The following XYLB variants were observed in gnomAD, a reference collection of about 807,000 sequenced individuals.
XYLB encodes xylulose kinase.
A neutral mutation model predicts 78.7 loss-of-function variants in XYLB; 62 were observed. That is an observed-to-expected ratio of 0.79 (90% CI 0.64 to 0.97). XYLB has a LOEUF of 0.97. XYLB is among the 50% of genes least tolerant of loss of function. The pLI is 0.00. For synonymous variants in XYLB, 245 were observed against 247.4 expected (o/e 0.99, Z 0.09); for missense variants, 687 against 676.8 (o/e 1.02, Z -0.17).
At chr3:38,423,229 C>T (rs192600638), downstream of XYLB, among the ~76,000 whole-genome samples, 63 of 152,204 alleles carry the variant, frequency 4.1e-4, no homozygotes, top group Middle Eastern at 0.014. Context: ...CCCACCACCA[C>T]GCCCGGCTAA....
At chr3:38,358,306 G>C (rs1341564039) in intron 2 of XYLB, among the ~76,000 whole-genome samples, 1 of 96,750 alleles carries the variant, frequency 1.0e-5, no homozygotes, top group Non-Finnish European at 2.1e-5. Flanking sequence ...TGCCAGTTTT[G>C]TTTTGTGTGT....
chr3:38,381,582 C>T lies in XYLB; in HGVS notation c.1291+2240C>T, dbSNP rs1707147316. On this transcript the variant is annotated intron_variant, in intron 15 of 18. Transcript: ENST00000207870. The stretch of plus-strand genomic sequence containing the variant: ...AAAAATATCGCTGAATTCTTTTTCT[C>T]AGCATGGAACATCCCTGAAAAAGAG... Among the ~76,000 whole-genome samples, 3 of 152,214 alleles carry T rather than the reference C, an allele frequency of 2.0e-5. No individual in the cohort carries two copies. The South Asian group carries it at 6.2e-4, about 31-fold the overall frequency.
chr3:38,361,747 C>A (rs1051131193), intron 3 of XYLB, among the ~76,000 whole-genome samples: 3 of 152,200 alleles, frequency 2.0e-5, no homozygotes, highest in African/African-American at 7.2e-5. Context: ...CCTAGCTCTG[C>A]CAGCCCCTGC....
chr3:38,396,477 G>A (rs2169552), intron 16 of XYLB, among the ~76,000 whole-genome samples: 17,136 of 152,172 alleles, frequency 0.11, 1,571 homozygotes, highest in African/African-American at 0.25. Flanking sequence ...AGTGCTGCAA[G>A]CCATTAGTAG....
chr3:38,404,425 G>A (rs1362125689), intron 18 of XYLB, among the ~76,000 whole-genome samples: 1 of 152,194 alleles, frequency 6.6e-6, no homozygotes, highest in Non-Finnish European at 1.5e-5. Context: ...CCTTCTCTCT[G>A]GCTCTGACAC....
At chr3:38,410,406 T>C (rs373621838) in intron 18 of XYLB, among the ~76,000 whole-genome samples, 26 of 149,888 alleles carry the variant, frequency 1.7e-4, no homozygotes, top group Non-Finnish European at 2.8e-4. Context: ...AAGACTTAAA[T>C]GTTAGACCTA....
intron 18 of XYLB, among the ~76,000 whole-genome samples, chr3:38,406,492 A>G (rs1003040813): frequency 6.6e-6 from 1 of 152,232 alleles, no homozygotes; most frequent in African/African-American, 2.4e-5. Flanking sequence ...TCCTCCTCCA[A>G]AGGAACGCAG....
chr3:38,358,871 G>A (rs1002994714), intron 2 of XYLB, among the ~76,000 whole-genome samples: 1 of 152,118 alleles, frequency 6.6e-6, no homozygotes, highest in Non-Finnish European at 1.5e-5. Context: ...AAGGTACTTT[G>A]CCAGATATAG....
intron 9 of XYLB, among the ~76,000 whole-genome samples, chr3:38,371,792 A>G (rs1706578697): frequency 6.6e-6 from 1 of 152,210 alleles, no homozygotes; most frequent in Admixed American, 6.5e-5. Context: ...CCATGAGGCC[A>G]GTGCATGGAG....
chr3:38,374,401 G>T, intron 10 of XYLB, 61 bp from the exon 11 acceptor site: 2 of 1,613,024 alleles, frequency 1.2e-6, no homozygotes, highest in South Asian at 2.2e-5. Context: ...AGAGCCCTGT[G>T]GTTTGCTTTG....
intron 16 of XYLB, 130 bp from the exon 17 acceptor site, chr3:38,396,942 A>C (rs576105548): frequency 1.0e-5 from 9 of 879,738 alleles, no homozygotes; most frequent in Non-Finnish European, 1.7e-5. Context: ...TACTCCTCTT[A>C]AGGCAGTCGA....
the XYLB span, among the ~76,000 whole-genome samples, chr3:38,450,470 G>T: frequency 6.6e-6 from 1 of 152,130 alleles, no homozygotes; most frequent in Non-Finnish European, 1.5e-5. Context: ...GAAGGGTGGG[G>T]AAGCCAGGGA....
chr3:38,409,087 A>C (rs945009201), intron 18 of XYLB, among the ~76,000 whole-genome samples: 11 of 152,242 alleles, frequency 7.2e-5, no homozygotes, highest in Admixed American at 7.2e-4. Context: ...GAAACAAAAA[A>C]GAGAATTTTA....
At chr3:38,396,713 A>T (rs1707884465) in intron 16 of XYLB, among the ~76,000 whole-genome samples, 1 of 152,210 alleles carries the variant, frequency 6.6e-6, no homozygotes, top group African/African-American at 2.4e-5. Flanking sequence ...TGCTCTTGTT[A>T]GCTTGGGTTT....
chr3:38,427,011 T>G, the XYLB span, among the ~76,000 whole-genome samples: 2 of 152,248 alleles, frequency 1.3e-5, no homozygotes, highest in Non-Finnish European at 2.9e-5. Flanking sequence ...AGAGCCTGTT[T>G]CTCTGCTCCT....
chr3:38,388,657 G>A (rs541185977), intron 15 of XYLB, among the ~76,000 whole-genome samples: 1 of 152,128 alleles, frequency 6.6e-6, no homozygotes, highest in Non-Finnish European at 1.5e-5. Context: ...TTATCACTGG[G>A]CTTAACAGGA....
chr3:38,364,006 T>C (rs1464631880), intron 4 of XYLB, among the ~76,000 whole-genome samples: 1 of 152,190 alleles, frequency 6.6e-6, no homozygotes, highest in Non-Finnish European at 1.5e-5. Context: ...TGGGTGATCT[T>C]GTCCACTTCT....
At chr3:38,370,404 CG>C (rs1168841622) in intron 9 of XYLB, 1 of 392,620 alleles carries the variant, frequency 2.5e-6, no homozygotes, top group African/African-American at 2.0e-5. Flanking sequence ...TTATGGTCAG[CG>C]GGACTTTGGA....
chr3:38,388,106 T>A (rs1020333058), intron 15 of XYLB, among the ~76,000 whole-genome samples: 2 of 151,976 alleles, frequency 1.3e-5, no homozygotes, highest in Admixed American at 6.6e-5. Context: ...ATAGCTAATG[T>A]TTACCTGCAG....
Sources: gnomAD v4.1 joint callset for allele counts (sites outside exome capture counted in the v4.1 genomes callset) on GRCh38, gnomAD v4.1.1 for gene constraint, MANE v1.5 for transcripts, NCBI Gene and HGNC (gene_info 2026-07-23, HGNC 2026-07-21) for gene names.